Variants in LDLRAP1 observed in about 807,000 individuals in gnomAD.
LDLRAP1 encodes low density lipoprotein receptor adaptor protein 1.
Under a neutral mutation model 37.8 loss-of-function variants are expected in LDLRAP1, and 30 were observed. The ratio of observed to expected loss-of-function variants is 0.79; its 90% CI spans 0.59 to 1.08. The LOEUF is 1.08. LDLRAP1 is among the 50% of genes least tolerant of loss of function. The pLI is 0.00. For missense variants in LDLRAP1, 375 were observed against 401.6 expected (o/e 0.93, Z 0.57); for synonymous variants, 156 against 169.8 (o/e 0.92, Z 0.63).
At chr1:25,556,212 CTG>C (rs1399471223) in intron 3 of LDLRAP1, among the ~76,000 whole-genome samples, 74 of 152,204 alleles carry the variant, frequency 4.9e-4, no homozygotes, top group Admixed American at 4.4e-3. Context: ...AGGGGTGAGT[CTG>C]TGGTGCTCCT....
At chr1:25,552,043 T>C (rs1032952540) in intron 1 of LDLRAP1, among the ~76,000 whole-genome samples, 2 of 152,138 alleles carry the variant, frequency 1.3e-5, no homozygotes, top group African/African-American at 4.8e-5. Context: ...AGAGGGACAG[T>C]GGCTTGCTCA....
intron 1 of LDLRAP1, among the ~76,000 whole-genome samples, chr1:25,547,688 C>T (rs893421324): frequency 1.2e-4 from 18 of 151,972 alleles, no homozygotes; most frequent in Non-Finnish European, 1.9e-4. Context: ...CCCCAGTCTG[C>T]GCCAGCCTCA....
intron 1 of LDLRAP1, among the ~76,000 whole-genome samples, chr1:25,547,987 C>T (rs1480628743): frequency 3.3e-5 from 5 of 152,304 alleles, no homozygotes; most frequent in African/African-American, 1.2e-4. Flanking sequence ...ACCCACTGCC[C>T]ACTGAGGGTC....
chr1:25,555,625 G>T lies in LDLRAP1; in HGVS notation c.344+653G>T, dbSNP rs1361740688. On this transcript the variant is annotated intron_variant, in intron 3 of 8. Coordinates refer to ENST00000374338, the MANE Select transcript of LDLRAP1 (RefSeq NM_015627.3). The surrounding 1 kb of genome is among the most constrained non-coding windows in gnomAD (Gnocchi z 4.7). ...GATATCCGGGCCAGAGCCCTGTCCA[G>T]CAGGCTCCCGTCTGCCTGGCATCCC... is the stretch of plus-strand genomic sequence containing the variant. Among the ~76,000 whole-genome samples the T allele has an allele frequency of 6.6e-6, 1 of 152,212 alleles. No homozygotes were observed. The highest frequency in any genetic ancestry group is 1.5e-5 in the Non-Finnish European group (1 of 68,026).
intron 6 of LDLRAP1, 142 bp from the exon 7 acceptor site, chr1:25,563,519 G>A (rs376066214): frequency 2.0e-5 from 21 of 1,072,242 alleles, no homozygotes; most frequent in East Asian, 7.7e-5. Context: ...ATCTGCTGTG[G>A]GGAGGTGCCA....
rs954687055 is a variant in LDLRAP1, at chr1:25,544,827, G to C, written c.88+1041G>C. Among the ~76,000 whole-genome samples the C allele has an allele frequency of 6.6e-6, 1 of 152,220 alleles. No individual in the cohort carries two copies. The highest frequency in any genetic ancestry group is 1.5e-5 in the Non-Finnish European group (1 of 68,034). On this transcript the variant is annotated intron_variant, in intron 1 of 8. Coordinates refer to ENST00000374338, the MANE Select transcript of LDLRAP1 (RefSeq NM_015627.3). This position sits in a 1 kb window ranked among gnomAD's most constrained non-coding sequence, Gnocchi z 4.8. The stretch of plus-strand genomic sequence containing the variant: ...CGGGCCACAGCTTCTCCCCTCATCA[G>C]GAAACAACTGACAGTACAGCACCCC...
Position 25,553,967 on chromosome 1 carries a change from G to C in LDLRAP1, c.134G>C (p.Gly45Ala). Residue 45 changes from glycine to alanine, a missense_variant, in exon 2 of 9, where the codon GGG becomes GCG. Coordinates refer to ENST00000374338, the MANE Select transcript of LDLRAP1 (RefSeq NM_015627.3). ...WTDTRETLLE[G>A]MLFSLKYLGM... Reference sequence around the variant, plus strand: ...GACACGCGGGAGACGCTGCTGGAGGGGATGCTGTTCAGCCTCAAGTACCTG... The same window carrying C: ...GACACGCGGGAGACGCTGCTGGAGGCGATGCTGTTCAGCCTCAAGTACCTG... The C allele has an allele frequency of 6.2e-7, 1 of 1,614,036 alleles. No individual in the cohort carries two copies. Among genetic ancestry groups the C allele is most frequent in the East Asian group, 2.2e-5 (1 of 44,874 alleles).
chr1:25,583,165 GT>G, the LDLRAP1 span, among the ~76,000 whole-genome samples: 9 of 147,826 alleles, frequency 6.1e-5, no homozygotes, highest in African/African-American at 1.5e-4. Context: ...TAGGTGAGGT[GT>G]TTTTTTTCCT....
the LDLRAP1 span, among the ~76,000 whole-genome samples, chr1:25,580,426 CA>C: frequency 6.6e-6 from 1 of 152,054 alleles, no homozygotes; most frequent in Non-Finnish European, 1.5e-5. Flanking sequence ...GAGAAAAAAA[CA>C]AAACAAAACC....
At chr1:25,566,233 T>C (rs181581764) in intron 8 of LDLRAP1, among the ~76,000 whole-genome samples, 1 of 151,450 alleles carries the variant, frequency 6.6e-6, no homozygotes, top group East Asian at 1.9e-4. Flanking sequence ...ATCCTATACA[T>C]ATACATTATT....
chr1:25,560,011 A>G (rs1299688775), intron 4 of LDLRAP1, among the ~76,000 whole-genome samples: 1 of 141,406 alleles, frequency 7.1e-6, no homozygotes, highest in African/African-American at 2.7e-5. Context: ...TGAGACAGAC[A>G]CCTTGAATGG....
chr1:25,573,599 C>T (rs1172135660), downstream of LDLRAP1, among the ~76,000 whole-genome samples: 1 of 152,208 alleles, frequency 6.6e-6, no homozygotes, highest in African/African-American at 2.4e-5. Flanking sequence ...CACCCCAACA[C>T]TGTTGGGGGG....
At position 25,565,222 on chromosome 1, in the gene LDLRAP1, C is replaced by G. The variant is rs756179393; in HGVS notation, c.782+15C>G. 1.9e-6 allele frequency: 3 copies of G among 1,613,982 alleles called. No individual in the cohort carries two copies. Among genetic ancestry groups the G allele is most frequent in the Non-Finnish European group, 1.7e-6 (2 of 1,179,908 alleles). ...GCGTTTTCGAGGTAATGCTAGCTTC[C>G]TGTGCTGGGTAGGGGGCCTGGTGTG... On this transcript the variant is annotated intron_variant, in intron 8 of 8. Transcript: ENST00000374338.
In LDLRAP1 at chr1:25,544,044, A is replaced by T. The variant is rs1228639038; in HGVS notation, c.88+258A>T. ...GCCCGAGCTCGGGGTCCTCAGGTGC[A>T]GCCGGCATGGGGTGGGGTGCAGGTT... On this transcript the variant is annotated intron_variant, in intron 1 of 8. Transcript: ENST00000374338. The surrounding 1 kb of genome is among the most constrained non-coding windows in gnomAD (Gnocchi z 4.8). 6.6e-6 allele frequency among the ~76,000 whole-genome samples: 1 copy of T among 152,068 alleles called. No individual in the cohort carries two copies. Among genetic ancestry groups the T allele is most frequent in the Admixed American group, 6.5e-5 (1 of 15,284 alleles).
At chr1:25,563,957 C>G in intron 7 of LDLRAP1, 166 bp downstream of exon 7, 1 of 810,338 alleles carries the variant, frequency 1.2e-6, no homozygotes, top group Non-Finnish European at 2.0e-6. Flanking sequence ...GAACAATGTC[C>G]CTTTTGAACC....
At chr1:25,560,049 A>G (rs1480587778) in intron 4 of LDLRAP1, among the ~76,000 whole-genome samples, 1 of 119,178 alleles carries the variant, frequency 8.4e-6, no homozygotes, top group Non-Finnish European at 1.7e-5. Flanking sequence ...AGCCAGGAGG[A>G]GTTTGCCAGG....
chr1:25,559,452 AG>A (rs1324301361), intron 4 of LDLRAP1, among the ~76,000 whole-genome samples: 1 of 152,216 alleles, frequency 6.6e-6, no homozygotes, highest in African/African-American at 2.4e-5. Context: ...CGAGGAAAAC[AG>A]AGCCAGGCCG....
chr1:25,576,909 C>T, the LDLRAP1 span, among the ~76,000 whole-genome samples: 1 of 152,190 alleles, frequency 6.6e-6, no homozygotes, highest in Non-Finnish European at 1.5e-5. Flanking sequence ...CTAGGAGTGG[C>T]CTGAGACACA....
At chr1:25,575,460 T>G in the LDLRAP1 span, among the ~76,000 whole-genome samples, 1 of 141,628 alleles carries the variant, frequency 7.1e-6, no homozygotes, top group Non-Finnish European at 1.5e-5. Context: ...CTGTGCATGG[T>G]GGCATGCATC....
Sources: allele counts gnomAD v4.1 joint callset (sites outside exome capture counted in the v4.1 genomes callset), GRCh38; gene constraint gnomAD v4.1.1; non-coding constraint Gnocchi (gnomAD v3.1); transcripts MANE v1.5; gene names NCBI Gene and HGNC (gene_info 2026-07-23, HGNC 2026-07-21).